Variants in RAI14 observed in about 807,000 individuals in gnomAD.
RAI14 encodes retinoic acid induced 14.
RAI14 carries 45 observed loss-of-function variants against 115.4 expected under a neutral mutation model. The ratio of observed to expected loss-of-function variants is 0.39; its 90% CI spans 0.31 to 0.50. The LOEUF (loss-of-function observed/expected upper bound fraction) is 0.50. RAI14 is among the 20% of genes least tolerant of loss of function. The pLI, the probability that RAI14 is intolerant of heterozygous loss-of-function variation, is 0.85. For missense variants in RAI14, 939 were observed against 1,131.2 expected (o/e 0.83, Z 2.44); for synonymous variants, 371 against 415.4 (o/e 0.89, Z 1.30).
intron 2 of RAI14, among the ~76,000 whole-genome samples, chr5:34,696,212 C>T (rs1475111238): frequency 6.6e-6 from 1 of 152,118 alleles, no homozygotes; most frequent in East Asian, 1.9e-4. Context: ...AATCTTGGCT[C>T]ACTGCAACCT....
intron 1 of RAI14, among the ~76,000 whole-genome samples, chr5:34,658,078 G>A (rs1257344290): frequency 6.6e-6 from 1 of 152,176 alleles, no homozygotes; most frequent in African/African-American, 2.4e-5. Context: ...CTGGGCTGTT[G>A]CACAGTTTTC....
intron 2 of RAI14, among the ~76,000 whole-genome samples, chr5:34,734,722 C>T (rs533046282): frequency 4.6e-5 from 7 of 151,424 alleles, no homozygotes; most frequent in African/African-American, 9.7e-5. Context: ...AGTGCAGTGG[C>T]GCAATCTCGG....
At chr5:34,689,320 G>A (rs1263495427) in intron 2 of RAI14, among the ~76,000 whole-genome samples, 2 of 151,960 alleles carry the variant, frequency 1.3e-5, no homozygotes, top group Non-Finnish European at 2.9e-5. Flanking sequence ...TGGGAGGAAG[G>A]CTTGAGCCCA....
chr5:34,701,488 C>A (rs181725704), intron 2 of RAI14, among the ~76,000 whole-genome samples: 80 of 152,320 alleles, frequency 5.3e-4, no homozygotes, highest in Non-Finnish European at 9.7e-4. Flanking sequence ...TTGGTCTCCA[C>A]AATCTTTATC....
intron 1 of RAI14, among the ~76,000 whole-genome samples, chr5:34,658,213 G>A (rs1011080504): frequency 6.6e-6 from 1 of 152,158 alleles, no homozygotes; most frequent in African/African-American, 2.4e-5. Context: ...GAATTGAAGA[G>A]ACAGAAAGGA....
chr5:34,755,765 A>G (rs1037027277), intron 2 of RAI14, among the ~76,000 whole-genome samples: 3 of 152,190 alleles, frequency 2.0e-5, no homozygotes, highest in African/African-American at 7.2e-5. Context: ...CATTTCCATG[A>G]CGGCAGACAG....
intron 1 of RAI14, among the ~76,000 whole-genome samples, chr5:34,672,332 G>A (rs1305917534): frequency 2.6e-5 from 4 of 152,114 alleles, no homozygotes; most frequent in African/African-American, 7.2e-5. Context: ...TGCTATTACC[G>A]TGTAAAACTC....
At position 34,823,918 on chromosome 5, in the gene RAI14, G is replaced by A. The variant is rs1371819169; in HGVS notation, c.2076G>A (p.Arg692=). Residue 692 remains arginine, a synonymous_variant, in exon 15 of 18, where the codon AGG becomes AGA. Transcript: ENST00000265109. This position sits in a 1 kb window ranked among gnomAD's most constrained non-coding sequence, Gnocchi z 4.5. ...TGATGCAATTGACAAACGTGTCCAGGGCTAAAGCAGAAGATGCACTGTCTG... is the reference window on the plus strand; with the variant it reads ...TGATGCAATTGACAAACGTGTCCAGAGCTAAAGCAGAAGATGCACTGTCTG... The part of the protein sequence containing the change: ...EKLMQLTNVS[R]AKAEDALSEM... 1 of 1,613,998 alleles carries A rather than the reference G, an allele frequency of 6.2e-7. No homozygotes were observed. The highest frequency in any genetic ancestry group is 1.3e-5 in the African/African-American group (1 of 74,904).
At chr5:34,669,686 T>C (rs559427587) in intron 1 of RAI14, among the ~76,000 whole-genome samples, 1 of 152,334 alleles carries the variant, frequency 6.6e-6, no homozygotes, top group African/African-American at 2.4e-5. Context: ...GTGTTTAGAT[T>C]GTCCTGAAGA....
chr5:34,684,604 T>G (rs1304561271), intron 1 of RAI14: 2 of 152,202 alleles, frequency 1.3e-5, no homozygotes, highest in Admixed American at 1.3e-4. Context: ...ATCAAAGTGC[T>G]TCATGATGAC....
intron 2 of RAI14, among the ~76,000 whole-genome samples, chr5:34,736,770 G>A (rs1039760291): frequency 2.6e-5 from 4 of 152,268 alleles, no homozygotes; most frequent in East Asian, 1.9e-4. Flanking sequence ...GGGTTACATC[G>A]ACAACTTTCT....
At chr5:34,824,805 G>A (rs752456878) in intron 15 of RAI14, among the ~76,000 whole-genome samples, 2 of 151,996 alleles carry the variant, frequency 1.3e-5, no homozygotes, top group South Asian at 2.1e-4. Flanking sequence ...TTAGCTGGGC[G>A]TGGTGGCACA....
At chr5:34,701,537 T>A (rs1335114078) in intron 2 of RAI14, among the ~76,000 whole-genome samples, 1 of 152,186 alleles carries the variant, frequency 6.6e-6, no homozygotes, top group Non-Finnish European at 1.5e-5. Flanking sequence ...CCCAAGTCTT[T>A]AGACAAACTC....
At chr5:34,809,706 T>G (rs917694093) in intron 7 of RAI14, among the ~76,000 whole-genome samples, 1 of 152,156 alleles carries the variant, frequency 6.6e-6, no homozygotes, top group Admixed American at 6.6e-5. Context: ...GTATATTTAT[T>G]TCTACGGCTA....
At chr5:34,722,543 G>A (rs1406366124) in intron 2 of RAI14, among the ~76,000 whole-genome samples, 1 of 152,004 alleles carries the variant, frequency 6.6e-6, no homozygotes, top group African/African-American at 2.4e-5. Context: ...GTGACAAGCA[G>A]AGAAATACAA....
In RAI14 at chr5:34,727,556, CTG is replaced by C. The variant is rs1561283210; in HGVS notation, c.37-29911_37-29910del. ...AGGCCTAGGAGAATAAAATGGTTTCCTGGGCCAGGCCTGGGGCCCCCTTGCTG... is the reference window on the plus strand; with the variant it reads ...AGGCCTAGGAGAATAAAATGGTTTCCGGCCAGGCCTGGGGCCCCCTTGCTG... On this transcript the variant is annotated intron_variant, in intron 2 of 17. Transcript: ENST00000265109. Among the ~76,000 whole-genome samples the C allele has an allele frequency of 2.0e-5, 3 of 152,126 alleles. No homozygotes were observed. The East Asian group carries it at 5.8e-4, about 29-fold the overall frequency.
intron 17 of RAI14, 110 bp from the exon 18 acceptor site, chr5:34,830,578 G>A: frequency 6.5e-7 from 1 of 1,531,108 alleles, no homozygotes. Context: ...TGTGAAAGAT[G>A]TGGGAATTAG....
rs139810747 is a variant in RAI14, at chr5:34,806,830, C to T, written c.322-970C>T. 2.5e-4 allele frequency among the ~76,000 whole-genome samples: 38 copies of T among 152,262 alleles called. 1 individual carries two copies. The highest frequency in any genetic ancestry group is 7.5e-4 in the African/African-American group (31 of 41,532). On this transcript the variant is annotated intron_variant, in intron 5 of 17. Transcript: ENST00000265109. ...GTAGGCAGTGGGTTATCAAGCCTAG[C>T]GCTTGAAGATGACAACTTTTGTGTA... is the stretch of plus-strand genomic sequence containing the variant.
chr5:34,803,749 C>T lies in RAI14; in HGVS notation c.294C>T (p.His98=), dbSNP rs772496444. The change falls in exon 5 of 18, where the codon CAC becomes CAT. Residue 98 remains histidine, a synonymous_variant. Transcript: ENST00000265109. Reference sequence around the variant, plus strand: ...TACATCTCGCAGCCAAGAACAGCCACCATGAATGCATCAGGAAGCTGCTTC... The same window carrying T: ...TACATCTCGCAGCCAAGAACAGCCATCATGAATGCATCAGGAAGCTGCTTC... The part of the protein sequence containing the change: ...SALHLAAKNS[H]HECIRKLLQS... 7.4e-6 allele frequency: 12 copies of T among 1,612,414 alleles called. No homozygotes were observed. In the South Asian group the frequency reaches 1.2e-4, roughly 16 times the overall value.
Sources: gnomAD v4.1 joint callset for allele counts (sites outside exome capture counted in the v4.1 genomes callset) on GRCh38, gnomAD v4.1.1 for gene constraint, Gnocchi (gnomAD v3.1) non-coding constraint, MANE v1.5 for transcripts, NCBI Gene and HGNC (gene_info 2026-07-23, HGNC 2026-07-21) for gene names.